Variants in ITGAM observed in about 807,000 individuals in gnomAD.
ITGAM encodes the protein integrin subunit alpha M.
In ITGAM, 79 loss-of-function variants were observed where a neutral mutation model predicts 137.5. The ratio of observed to expected loss-of-function variants is 0.57; its 90% CI spans 0.48 to 0.69. ITGAM has a LOEUF of 0.69. ITGAM is among the 30% of genes least tolerant of loss of function. ITGAM has a pLI of 0.00. For missense variants in ITGAM, 1,343 were observed against 1,483.5 expected, an observed-to-expected ratio of 0.91 and a Z score of 1.56; for synonymous variants, 583 against 592.3, an observed-to-expected ratio of 0.98 and a Z score of 0.23.
At chr16:31,285,803 T>TC (rs1484978727) in intron 12 of ITGAM, among the ~76,000 whole-genome samples, 6 of 142,696 alleles carry the variant, frequency 4.2e-5, no homozygotes, top group East Asian at 2.0e-4. Context: ...TTTCTCTCTC[T>TC]TTTTTTTTTT....
chr16:31,320,307 C>T (rs1464031349), intron 14 of ITGAM, among the ~76,000 whole-genome samples: 1 of 152,120 alleles, frequency 6.6e-6, no homozygotes, highest in Admixed American at 6.5e-5. Flanking sequence ...ATTGTGTATC[C>T]AGTAACATAA....
In ITGAM at chr16:31,330,140, T is replaced by C; in HGVS notation, c.3036T>C (p.Ala1012=). The change falls in exon 26 of 30, where the codon GCT becomes GCC. Residue 1012 remains alanine (A), a synonymous_variant. Coordinates refer to ENST00000544665, the MANE Select transcript of ITGAM (RefSeq NM_000632.4). The stretch of plus-strand genomic sequence containing the variant: ...TGCCCTCTCACTCCGACTTTCTGGC[T>C]GAGCTTCGGAAGGCCCCCGTGGTGG... The part of the protein sequence containing the change: ...ERLPSHSDFL[A]ELRKAPVVNC... 2.5e-6 allele frequency: 4 copies of C among 1,613,758 alleles called. No individual in the cohort carries two copies. Among genetic ancestry groups the C allele is most frequent in the Non-Finnish European group, 3.4e-6 (4 of 1,179,778 alleles).
chr16:31,288,909 C>T (rs1690605070), intron 12 of ITGAM, among the ~76,000 whole-genome samples: 1 of 152,030 alleles, frequency 6.6e-6, no homozygotes, highest in Non-Finnish European at 1.5e-5. Flanking sequence ...AACAAATTTA[C>T]AAGAAAAAAA....
intron 12 of ITGAM, among the ~76,000 whole-genome samples, chr16:31,280,215 T>C (rs909517568): frequency 2.6e-5 from 4 of 152,248 alleles, no homozygotes; most frequent in Non-Finnish European, 4.4e-5. Context: ...GACTTGGCAA[T>C]GTGGGCTCTT....
chr16:31,297,885 G>C lies in ITGAM; in HGVS notation c.1638G>C (p.Glu546Asp). The change falls in exon 14 of 30, where the codon GAG (glutamate) becomes GAC (aspartate). Residue 546 changes from glutamate (E) to aspartate (D), a missense_variant. Coordinates refer to ENST00000544665, the MANE Select transcript of ITGAM (RefSeq NM_000632.4). ...TGGCCATTGGGGCCCCAGGAGAGGA[G>C]GACAACCGGGGTGCTGTTTACCTGT... The part of the protein sequence containing the change: ...TDVAIGAPGE[E>D]DNRGAVYLFH... 6.2e-7 allele frequency: 1 copy of C among 1,614,012 alleles called. No homozygotes were observed. The highest frequency in any genetic ancestry group is 8.5e-7 in the Non-Finnish European group (1 of 1,179,980).
At chr16:31,308,439 A>G (rs1225864697) in intron 14 of ITGAM, among the ~76,000 whole-genome samples, 3 of 152,076 alleles carry the variant, frequency 2.0e-5, no homozygotes, top group Non-Finnish European at 4.4e-5. Flanking sequence ...ATTTGCGTAG[A>G]GGTGTTTGTA....
At chr16:31,331,412 C>T (rs1191837114) in intron 29 of ITGAM, 137 bp downstream of exon 29, 4 of 685,038 alleles carry the variant, frequency 5.8e-6, no homozygotes, top group Non-Finnish European at 1.0e-5. Context: ...GCCTCAGTCT[C>T]TTAGGGAGGG....
rs766838551 is a variant in ITGAM at position 31,266,101 on chromosome 16, A to T, written c.381A>T (p.Gly127=). The stretch of plus-strand genomic sequence containing the variant: ...TGAAAGGGCTCTGCTTCCTGTTTGG[A>T]TCCAACCTACGGCAGCAGCCCCAGA... The part of the protein sequence containing the change: ...TYVKGLCFLF[G]SNLRQQPQKF... Residue 127 remains glycine, a synonymous_variant, in exon 5 of 30, where the codon GGA becomes GGT. Coordinates refer to ENST00000544665, the MANE Select transcript of ITGAM (RefSeq NM_000632.4). 2 of 1,613,854 alleles carry T rather than the reference A, an allele frequency of 1.2e-6. No individual in the cohort carries two copies. Among genetic ancestry groups the T allele is most frequent in the Non-Finnish European group, 1.7e-6 (2 of 1,179,858 alleles).
intron 12 of ITGAM, among the ~76,000 whole-genome samples, chr16:31,290,369 C>A (rs1416632645): frequency 3.9e-5 from 6 of 151,946 alleles, no homozygotes; most frequent in Non-Finnish European, 7.4e-5. Flanking sequence ...ACCCAGTGAA[C>A]CTTATACTTT....
chr16:31,265,717 C>A, intron 3 of ITGAM, 94 bp from the exon 4 acceptor site: 1 of 1,087,154 alleles, frequency 9.2e-7, no homozygotes, highest in Non-Finnish European at 1.4e-6. Flanking sequence ...GTCAGACCTC[C>A]TTGTCTCCCG....
intron 22 of ITGAM, among the ~76,000 whole-genome samples, chr16:31,327,806 C>T (rs1485975075): frequency 1.3e-5 from 2 of 151,930 alleles, no homozygotes. Flanking sequence ...GGCCATGTCC[C>T]AAAATGACTG....
In ITGAM at chr16:31,324,116, A is replaced by AGAAGGGAAG. The variant is rs1471915972; in HGVS notation, c.2003-277_2003-269dup. ...GGAAAGGAAGAAAAGGAAGGAAGGA[A>AGAAGGGAAG]GAAGGGAAGGAAGGAAAGGAAGGAA... On this transcript the variant is annotated intron_variant, in intron 16 of 29. Coordinates refer to ENST00000544665, the MANE Select transcript of ITGAM (RefSeq NM_000632.4). The surrounding 1 kb of genome is among the most constrained non-coding windows in gnomAD (Gnocchi z 4.5). 6.6e-6 allele frequency among the ~76,000 whole-genome samples: 1 copy of AGAAGGGAAG among 150,880 alleles called. No homozygotes were observed. The highest frequency in any genetic ancestry group is 1.5e-5 in the Non-Finnish European group (1 of 67,570).
intron 7 of ITGAM, among the ~76,000 whole-genome samples, chr16:31,272,945 C>T (rs924730244): frequency 1.3e-5 from 2 of 151,998 alleles, no homozygotes; most frequent in Non-Finnish European, 1.5e-5. Context: ...GGAGCCCCTC[C>T]GAGACCTCGC....
chr16:31,312,730 G>A (rs971377456), intron 14 of ITGAM, among the ~76,000 whole-genome samples: 6 of 152,074 alleles, frequency 3.9e-5, no homozygotes, highest in Non-Finnish European at 8.8e-5. Flanking sequence ...CACTCAGCCG[G>A]ACTATAATTT....
intron 1 of ITGAM, among the ~76,000 whole-genome samples, chr16:31,261,188 ATGC>A (rs1470016748): frequency 1.4e-5 from 2 of 147,648 alleles, no homozygotes; most frequent in Non-Finnish European, 3.0e-5. Flanking sequence ...GCAGGAAGAC[ATGC>A]TGCTATCTTT....
intron 12 of ITGAM, among the ~76,000 whole-genome samples, chr16:31,280,179 C>T (rs917536782): frequency 2.0e-5 from 3 of 152,138 alleles, no homozygotes; most frequent in East Asian, 1.9e-4. Flanking sequence ...GTGATGCCTC[C>T]AGCTTTGTTC....
chr16:31,302,768 C>T (rs1345286850), intron 14 of ITGAM, among the ~76,000 whole-genome samples: 1 of 151,926 alleles, frequency 6.6e-6, no homozygotes, highest in Non-Finnish European at 1.5e-5. Context: ...AACACCTGAC[C>T]TTGTGATTCA....
At chr16:31,307,763 A>C (rs1019513821) in intron 14 of ITGAM, among the ~76,000 whole-genome samples, 1 of 152,170 alleles carries the variant, frequency 6.6e-6, no homozygotes, top group Admixed American at 6.5e-5. Flanking sequence ...TTGTCCATTC[A>C]GTATGATATT....
intron 5 of ITGAM, among the ~76,000 whole-genome samples, chr16:31,267,874 G>C (rs1044812282): frequency 5.9e-5 from 9 of 151,924 alleles, no homozygotes; most frequent in African/African-American, 2.2e-4. Context: ...GAATTCCTGG[G>C]CTCAAGAGAT....
Sources: allele counts gnomAD v4.1 joint callset (sites outside exome capture counted in the v4.1 genomes callset), GRCh38; gene constraint gnomAD v4.1.1; non-coding constraint Gnocchi (gnomAD v3.1); transcripts MANE v1.5; gene names NCBI Gene and HGNC (gene_info 2026-07-23, HGNC 2026-07-21).